COL5A2: variants seen among roughly 807,000 people sequenced by gnomAD.
COL5A2 encodes the protein collagen alpha-2(V) chain.
Under a neutral mutation model 208.2 loss-of-function variants are expected in COL5A2, and 23 were observed. The observed-to-expected ratio is 0.11, with a 90% confidence interval of 0.08 to 0.16. The LOEUF (loss-of-function observed/expected upper bound fraction) is 0.16. Ranked by LOEUF, COL5A2 falls within the 10% of genes least tolerant of loss-of-function variation. The probability of loss-of-function intolerance (pLI) is 1.00; values close to 1 mark genes in which losing one functional copy is unlikely to be tolerated. For synonymous variants in COL5A2, 625 were observed against 628.5 expected, an observed-to-expected ratio of 0.99 and a Z score of 0.08; for missense variants, 1,590 against 1,956.4, an observed-to-expected ratio of 0.81 and a Z score of 3.53.
the COL5A2 span, among the ~76,000 whole-genome samples, chr2:189,388,183 C>T: frequency 2.6e-5 from 4 of 152,124 alleles, no homozygotes; most frequent in Admixed American, 6.6e-5. Context: ...ATAAAAATGG[C>T]TCTCCTGGAG....
the COL5A2 span, among the ~76,000 whole-genome samples, chr2:189,239,354 A>G: frequency 6.6e-6 from 1 of 152,034 alleles, no homozygotes; most frequent in Admixed American, 6.6e-5. Context: ...AAGAACCTTG[A>G]GATGGAAAGA....
the COL5A2 span, among the ~76,000 whole-genome samples, chr2:189,413,092 T>A: frequency 1.3e-5 from 2 of 152,218 alleles, no homozygotes; most frequent in Non-Finnish European, 2.9e-5. Flanking sequence ...GAATAATTTC[T>A]ATAGTGAAGT....
At chr2:189,050,045 T>G (rs755798740) in intron 43 of COL5A2, among the ~76,000 whole-genome samples, 1 of 152,134 alleles carries the variant, frequency 6.6e-6, no homozygotes, top group African/African-American at 2.4e-5. Flanking sequence ...AAGCTAACTT[T>G]GAATCAAACT....
At chr2:189,228,907 C>G (rs1689448784), upstream of COL5A2, among the ~76,000 whole-genome samples, 1 of 151,588 alleles carries the variant, frequency 6.6e-6, no homozygotes, top group Non-Finnish European at 1.5e-5. Flanking sequence ...TGCAAAAATC[C>G]TCAAAAATAT....
chr2:189,096,976 C>A (rs1686932153), intron 6 of COL5A2, among the ~76,000 whole-genome samples: 1 of 152,150 alleles, frequency 6.6e-6, no homozygotes, highest in Non-Finnish European at 1.5e-5. Context: ...AACCACAGAT[C>A]ATATAACTTG....
rs1576494351 is a variant in COL5A2 at position 189,051,322 on chromosome 2, G to A, written c.2929C>T (p.Pro977Ser). 1 of 1,614,038 alleles carries A rather than the reference G, an allele frequency of 6.2e-7. No homozygotes were observed. The highest frequency in any genetic ancestry group is 8.5e-7 in the Non-Finnish European group (1 of 1,179,994). ...TGGAACGGATACGCCAAACTTACAGGTTGCCCATCTTCTCCTGGGTCCCCT... is the reference window on the plus strand; with the variant it reads ...TGGAACGGATACGCCAAACTTACAGATTGCCCATCTTCTCCTGGGTCCCCT... The part of the protein sequence containing the change: ...DKGDPGEDGQ[P>S]GPDGPPGPAG... Residue 977 changes from proline to serine, a missense_variant and splice_region_variant, in exon 42 of 54, where the codon CCT becomes TCT. By Grantham distance (74) the Pro-to-Ser change is moderately conservative. Coordinates refer to ENST00000374866, the MANE Select transcript of COL5A2 (RefSeq NM_000393.5).
At chr2:189,060,944 A>G (rs1334745247) in intron 30 of COL5A2, among the ~76,000 whole-genome samples, 161 bp from the exon 31 acceptor site, 1 of 152,196 alleles carries the variant, frequency 6.6e-6, no homozygotes, top group Non-Finnish European at 1.5e-5. Flanking sequence ...GTTCAGAAGC[A>G]TTAAAAAAAG....
chr2:189,295,938 C>T, the COL5A2 span, among the ~76,000 whole-genome samples: 3 of 151,876 alleles, frequency 2.0e-5, no homozygotes, highest in African/African-American at 7.3e-5. Context: ...GTTTGATGCT[C>T]ACAGATGTGG....
the COL5A2 span, among the ~76,000 whole-genome samples, chr2:189,421,958 A>G: frequency 4.6e-5 from 7 of 152,198 alleles, no homozygotes; most frequent in African/African-American, 1.4e-4. Context: ...TAGGACTGCA[A>G]TGGCCACGGT....
At chr2:189,273,558 T>C in the COL5A2 span, among the ~76,000 whole-genome samples, 1 of 152,124 alleles carries the variant, frequency 6.6e-6, no homozygotes, top group African/African-American at 2.4e-5. Context: ...TCATGTTCAT[T>C]CCAGGATTAT....
intron 1 of COL5A2, among the ~76,000 whole-genome samples, chr2:189,222,150 A>G (rs1016916367): frequency 1.3e-5 from 2 of 152,204 alleles, no homozygotes; most frequent in African/African-American, 4.8e-5. Context: ...TCTCAAACAG[A>G]TGCTAATTAG....
At chr2:189,252,442 T>C in the COL5A2 span, among the ~76,000 whole-genome samples, 1 of 152,116 alleles carries the variant, frequency 6.6e-6, no homozygotes, top group Non-Finnish European at 1.5e-5. Flanking sequence ...ATAAAAAGGA[T>C]GAGTTCATGT....
chr2:189,387,045 CA>C, the COL5A2 span, among the ~76,000 whole-genome samples: 1 of 151,948 alleles, frequency 6.6e-6, no homozygotes, highest in Non-Finnish European at 1.5e-5. Context: ...TTCACAATAG[CA>C]AAAACATGGA....
rs1685656634 is a variant in COL5A2 at position 189,045,879 on chromosome 2, C to T, written c.3230G>A (p.Gly1077Asp). Reference sequence around the variant, plus strand: ...AGGGGCACCCTGAGAGCCTGGCAGACCTGCAGGCCCAGGGTCTCCACGATC... The same window carrying T: ...AGGGGCACCCTGAGAGCCTGGCAGATCTGCAGGCCCAGGGTCTCCACGATC... ...RGDRGDPGPA[G>D]LPGSQGAPGT... Residue 1077 changes from glycine (G) to aspartate (D), a missense_variant, in exon 46 of 54, where the codon GGT (glycine) becomes GAT (aspartate). Physicochemically the swap from Gly to Asp is moderately conservative, Grantham distance 94. Transcript: ENST00000374866. The T allele has an allele frequency of 1.9e-6, 3 of 1,614,048 alleles. No individual in the cohort carries two copies.
At chr2:189,401,479 G>C in the COL5A2 span, among the ~76,000 whole-genome samples, 1 of 152,132 alleles carries the variant, frequency 6.6e-6, no homozygotes, top group East Asian at 1.9e-4. Context: ...TGGACATTTA[G>C]GTTGATTCCA....
At chr2:189,333,930 CAA>C in the COL5A2 span, among the ~76,000 whole-genome samples, 4 of 125,986 alleles carry the variant, frequency 3.2e-5, no homozygotes, top group South Asian at 2.5e-4. Flanking sequence ...AGGAAGACTG[CAA>C]AAAAAAAAAA....
intron 1 of COL5A2, among the ~76,000 whole-genome samples, chr2:189,195,409 CT>C (rs1287785039): frequency 6.6e-6 from 1 of 152,088 alleles, no homozygotes; most frequent in African/African-American, 2.4e-5. Flanking sequence ...CATAGATTCA[CT>C]GCTATTCCCA....
intron 1 of COL5A2, among the ~76,000 whole-genome samples, chr2:189,136,515 A>AAT (rs5837128): frequency 0.96 from 143,288 of 148,850 alleles, 68,975 homozygotes; most frequent in East Asian, 1. Flanking sequence ...CTTTTTTATA[A>AAT]ATATATATGT....
chr2:189,390,696 A>C, the COL5A2 span, among the ~76,000 whole-genome samples: 1 of 152,226 alleles, frequency 6.6e-6, no homozygotes, highest in African/African-American at 2.4e-5. Context: ...ATGCTCACCT[A>C]TGTTCCAAAG....
Sources: allele counts gnomAD v4.1 joint callset (sites outside exome capture counted in the v4.1 genomes callset), GRCh38; gene constraint gnomAD v4.1.1; transcripts MANE v1.5; gene names NCBI Gene and HGNC (gene_info 2026-07-23, HGNC 2026-07-21).